The following CWC15 variants were observed in gnomAD, a reference collection of about 807,000 sequenced individuals.
CWC15 encodes the protein CWC15 spliceosome associated protein.
A neutral mutation model predicts 28.4 loss-of-function variants in CWC15; 12 were observed. The observed-to-expected ratio is 0.42, with a 90% confidence interval of 0.27 to 0.69. CWC15 has a LOEUF of 0.69. Ranked by LOEUF, CWC15 falls within the 30% of genes least tolerant of loss-of-function variation. The pLI is 0.23. For synonymous variants in CWC15, 92 were observed against 88.4 expected (o/e 1.04, Z -0.23); for missense variants, 192 against 271.5 (o/e 0.71, Z 2.06).
At chr11:94,968,571 A>AC (rs1555095689) in intron 5 of CWC15, among the ~76,000 whole-genome samples, 1 of 152,236 alleles carries the variant, frequency 6.6e-6, no homozygotes, top group Non-Finnish European at 1.5e-5. Context: ...CTCTAGTGGT[A>AC]TGCAAGTGGG....
chr11:94,972,713 T>G (rs587655953), intron 1 of CWC15, among the ~76,000 whole-genome samples: 2 of 152,234 alleles, frequency 1.3e-5, no homozygotes, highest in South Asian at 2.1e-4. Context: ...ACTGACAAAG[T>G]TACTAAATGT....
chr11:94,970,576 C>T (rs1347616958), intron 4 of CWC15: 1 of 193,252 alleles, frequency 5.2e-6, no homozygotes, highest in African/African-American at 2.4e-5. Context: ...GTGTATTGCA[C>T]TTATAGAAGG....
intron 4 of CWC15, 180 bp from the exon 5 acceptor site, chr11:94,970,276 AAAT>A: frequency 2.5e-6 from 1 of 405,776 alleles, no homozygotes; most frequent in Non-Finnish European, 4.4e-6. Context: ...TCTCAGAAGA[AAAT>A]AATTTCAAAT....
intron 5 of CWC15, 68 bp from the exon 6 acceptor site, chr11:94,966,481 C>T: frequency 1.0e-6 from 1 of 954,626 alleles, no homozygotes; most frequent in Non-Finnish European, 1.5e-6. Context: ...TTTATATTAG[C>T]TCACTGAAAA....
chr11:94,965,273 A>G lies in CWC15; in HGVS notation c.560+1022T>C, dbSNP rs11824674. Reference sequence around the variant, plus strand: ...GAAAAATAACGAATATGGTTTAAAAATTAAGCACTGTGGTTCCTTGACGAA... The same window carrying G: ...GAAAAATAACGAATATGGTTTAAAAGTTAAGCACTGTGGTTCCTTGACGAA... On this transcript the variant is annotated intron_variant, in intron 6 of 6. Coordinates refer to ENST00000279839, the MANE Select transcript of CWC15 (RefSeq NM_016403.4). Among the ~76,000 whole-genome samples, 1,355 of 152,382 alleles carry G rather than the reference A, an allele frequency of 8.9e-3. 20 individuals carry two copies. The highest frequency in any genetic ancestry group is 0.031 in the African/African-American group (1,287 of 41,594).
At chr11:94,971,983 C>T (rs1857728718) in intron 2 of CWC15, 72 bp downstream of exon 2, 2 of 1,354,150 alleles carry the variant, frequency 1.5e-6, no homozygotes, top group Non-Finnish European at 2.0e-6. Context: ...AAACATACTA[C>T]TATATCATGA....
At position 94,971,371 on chromosome 11, in the gene CWC15, G is replaced by A. The variant is rs782766766; in HGVS notation, c.244+4C>T. The A allele has an allele frequency of 1.3e-6, 2 of 1,598,078 alleles. No homozygotes were observed. Among genetic ancestry groups the A allele is most frequent in the Admixed American group, 3.4e-5 (2 of 59,210 alleles). ...GAGACAAATGTCTTGGATAGTGTTGGTACCTCGGGTTGGACGATCCCTATT... is the reference window on the plus strand; with the variant it reads ...GAGACAAATGTCTTGGATAGTGTTGATACCTCGGGTTGGACGATCCCTATT... On this transcript the variant is annotated splice_donor_region_variant and intron_variant, in intron 3 of 6. Transcript: ENST00000279839.
At chr11:94,965,412 CCCTTTTCAGCCCT>C (rs1349853220) in intron 6 of CWC15, among the ~76,000 whole-genome samples, 4 of 152,156 alleles carry the variant, frequency 2.6e-5, no homozygotes, top group Non-Finnish European at 4.4e-5. Flanking sequence ...TATATTTTCT[CCCTTTTCAGCCCT>C]CCTTTTTTAC....
intron 5 of CWC15, among the ~76,000 whole-genome samples, chr11:94,969,769 A>C (rs587682628): frequency 5.4e-4 from 83 of 152,354 alleles, no homozygotes; most frequent in Middle Eastern, 6.8e-3. Context: ...AAGCCTGTGA[A>C]TATTACTCAG....
In CWC15 at chr11:94,962,972, C is replaced by T. The variant is rs1555094609; in HGVS notation, c.*413G>A. On this transcript the variant is annotated 3_prime_UTR_variant, in exon 7 of 7. Transcript: ENST00000279839. ...AAAATGCAGAGAAAATATGAATTAA[C>T]TCATCTTAAATGTGAGAGAAACAGG... 1 of 152,706 alleles carries T rather than the reference C, an allele frequency of 6.5e-6. No individual in the cohort carries two copies. The highest frequency in any genetic ancestry group is 6.5e-5 in the Admixed American group (1 of 15,282). 9.5% of individuals were successfully genotyped at this position (152,706 alleles called of 1,614,324 possible).
intron 5 of CWC15, among the ~76,000 whole-genome samples, chr11:94,967,758 TTCC>T (rs1857665767): frequency 6.6e-6 from 1 of 152,122 alleles, no homozygotes; most frequent in Non-Finnish European, 1.5e-5. Flanking sequence ...AATAGGAAAA[TTCC>T]TTTATGTCAC....
chr11:94,972,213 C>T lies in CWC15; in HGVS notation c.-8-20G>A. ...TTTATGCTTTGAAGAAAAATATAAT[C>T]AAGTTATTTCCAACATTACAAACAC... On this transcript the variant is annotated intron_variant, in intron 1 of 6. Coordinates refer to ENST00000279839, the MANE Select transcript of CWC15 (RefSeq NM_016403.4). The T allele has an allele frequency of 1.9e-6, 3 of 1,605,924 alleles. No individual in the cohort carries two copies. Among genetic ancestry groups the T allele is most frequent in the South Asian group, 2.2e-5 (2 of 90,002 alleles).
intron 6 of CWC15, among the ~76,000 whole-genome samples, chr11:94,964,820 C>T (rs1857615910): frequency 6.6e-6 from 1 of 152,216 alleles, no homozygotes; most frequent in Admixed American, 6.5e-5. Context: ...GTACTGGTAA[C>T]TAATAATCTA....
chr11:94,970,089 T>C lies in CWC15; in HGVS notation c.341A>G (p.Asp114Gly). The C allele has an allele frequency of 6.7e-7, 1 of 1,495,806 alleles. No individual in the cohort carries two copies. The highest frequency in any genetic ancestry group is 9.1e-7 in the Non-Finnish European group (1 of 1,096,284). 92.7% of individuals were successfully genotyped at this position (1,495,806 alleles called of 1,614,324 possible). ...ATCACTTTCTTCTTCAAAATCTTCA[T>C]CTTCCTCCTAAAAGAACAGTGAGAG... ...DADDPLTDEE[D>G]EDFEEESDDD... The change falls in exon 5 of 7, where the codon GAT becomes GGT. Residue 114 changes from aspartate to glycine, a missense_variant. Asp to Gly is a moderately conservative substitution (Grantham distance 94). Around this residue, in one of 2 missense-constraint regions of CWC15, gnomAD observed 188 missense variants for 250.3 expected, o/e 0.75. Coordinates refer to ENST00000279839, the MANE Select transcript of CWC15 (RefSeq NM_016403.4).
intron 6 of CWC15, among the ~76,000 whole-genome samples, chr11:94,964,335 T>C (rs1857610842): frequency 6.6e-6 from 1 of 152,088 alleles, no homozygotes; most frequent in South Asian, 2.1e-4. Context: ...GGAACAAATG[T>C]GGGAAAGTGC....
chr11:94,973,316 G>C (rs1423626668), intron 1 of CWC15, 182 bp downstream of exon 1: 1 of 147,952 alleles, frequency 6.8e-6, no homozygotes, highest in Non-Finnish European at 1.5e-5. Flanking sequence ...TGTACGCTGC[G>C]ATCTCCTCGG....
At chr11:94,970,697 GTAGTT>G (rs1388462544) in intron 4 of CWC15, 1 of 400,196 alleles carries the variant, frequency 2.5e-6, no homozygotes, top group East Asian at 5.2e-5. Context: ...CAGTAGTGCA[GTAGTT>G]TAGTACAGGA....
intron 1 of CWC15, among the ~76,000 whole-genome samples, chr11:94,973,059 G>C (rs1394916759): frequency 6.7e-6 from 1 of 148,888 alleles, no homozygotes; most frequent in East Asian, 2.0e-4. Flanking sequence ...GGGGGGGGGC[G>C]ATGCTAATTC....
At chr11:94,970,910 A>G (rs1194788819) in intron 4 of CWC15, 67 bp downstream of exon 4, 1 of 1,279,194 alleles carries the variant, frequency 7.8e-7, no homozygotes, top group Non-Finnish European at 1.1e-6. Context: ...AAGCAAAGAC[A>G]TAACAAGTAT....
Sources: allele counts gnomAD v4.1 joint callset (sites outside exome capture counted in the v4.1 genomes callset), GRCh38; gene constraint gnomAD v4.1.1; regional missense constraint gnomAD v4.1.1; transcripts MANE v1.5; gene names NCBI Gene and HGNC (gene_info 2026-07-23, HGNC 2026-07-21).